The following KCNQ5 variants were observed in gnomAD, a reference collection of about 807,000 sequenced individuals.
KCNQ5 encodes potassium voltage-gated channel subfamily Q member 5, also known as potassium voltage-gated channel subfamily KQT member 5.
A neutral mutation model predicts 98.2 loss-of-function variants in KCNQ5; 30 were observed. The ratio of observed to expected loss-of-function variants is 0.31; its 90% CI spans 0.23 to 0.41. The LOEUF is 0.41. Among genes scored for constraint, KCNQ5 ranks in the 10% least tolerant of loss-of-function variants. KCNQ5 has a pLI of 1.00. For missense variants in KCNQ5, 835 were observed against 1,182.5 expected (o/e 0.71, Z 4.31); for synonymous variants, 458 against 449.4 (o/e 1.02, Z -0.24).
chr6:72,960,385 TTCA>T (rs1410325017), intron 1 of KCNQ5, among the ~76,000 whole-genome samples: 3 of 150,636 alleles, frequency 2.0e-5, no homozygotes, highest in East Asian at 3.9e-4. Flanking sequence ...CTATTTCTAT[TTCA>T]GTGTCCCCAA....
At chr6:72,817,392 A>G (rs1427736431) in intron 1 of KCNQ5, among the ~76,000 whole-genome samples, 1 of 152,188 alleles carries the variant, frequency 6.6e-6, no homozygotes, top group South Asian at 2.1e-4. Flanking sequence ...ATTACTCACA[A>G]TTAGATTCTA....
chr6:72,894,908 A>C (rs2150186524), intron 1 of KCNQ5, among the ~76,000 whole-genome samples: 1 of 152,136 alleles, frequency 6.6e-6, no homozygotes, highest in African/African-American at 2.4e-5. Context: ...GTGGTCAGAC[A>C]AGGATTTGAG....
chr6:72,906,446 CT>C (rs1291749289), intron 1 of KCNQ5, among the ~76,000 whole-genome samples: 3 of 152,224 alleles, frequency 2.0e-5, no homozygotes, highest in Non-Finnish European at 2.9e-5. Flanking sequence ...TTGTTACAAA[CT>C]TCAGCTGGAG....
At chr6:73,040,232 G>A (rs2185770) in intron 2 of KCNQ5, among the ~76,000 whole-genome samples, 102,041 of 152,150 alleles carry the variant, frequency 0.67, 39,669 homozygotes, top group Non-Finnish European at 0.88. Flanking sequence ...ATTACTACAC[G>A]GTAGTGTTCG....
intron 1 of KCNQ5, among the ~76,000 whole-genome samples, chr6:72,863,234 A>G (rs746209104): frequency 1.3e-5 from 2 of 152,220 alleles, no homozygotes; most frequent in Non-Finnish European, 2.9e-5. Context: ...CATACTAAAT[A>G]GCCACTTAGA....
intron 1 of KCNQ5, among the ~76,000 whole-genome samples, chr6:72,826,175 G>T (rs560906922): frequency 1.3e-5 from 2 of 152,230 alleles, no homozygotes; most frequent in South Asian, 4.1e-4. Flanking sequence ...CAATTCATTC[G>T]ACTCTAACCA....
intron 5 of KCNQ5, 112 bp downstream of exon 5, chr6:73,077,999 GAGTTATAT>G: frequency 1.2e-6 from 1 of 856,008 alleles, no homozygotes; most frequent in Non-Finnish European, 1.7e-6. Context: ...TTGCGAAAGA[GAGTTATAT>G]GGAAAATAAA....
At chr6:72,722,137 C>T (rs1392372871) in intron 1 of KCNQ5, among the ~76,000 whole-genome samples, 1 of 152,154 alleles carries the variant, frequency 6.6e-6, no homozygotes, top group Admixed American at 6.5e-5. Flanking sequence ...AACTGATTCT[C>T]CTTTCAGAGT....
At chr6:73,041,860 A>G (rs928911957) in intron 2 of KCNQ5, 76 bp from the exon 3 acceptor site, 2 of 1,565,564 alleles carry the variant, frequency 1.3e-6, no homozygotes, top group Non-Finnish European at 1.8e-6. Context: ...CTAAATGTCC[A>G]AAAATATGCA....
chr6:72,916,864 G>C (rs1780167967), intron 1 of KCNQ5, among the ~76,000 whole-genome samples: 1 of 152,174 alleles, frequency 6.6e-6, no homozygotes, highest in Non-Finnish European at 1.5e-5. Context: ...GGAGCCTCAA[G>C]TGTTGGAAGT....
At chr6:73,158,259 T>TTTTTTGTTG (rs1167848522) in intron 10 of KCNQ5, 105 of 60,426 alleles carry the variant, frequency 1.7e-3, no homozygotes, top group African/African-American at 3.0e-3. Flanking sequence ...GGAAGATTTT[T>TTTTTTGTTG]TTTTTTTTTT....
chr6:72,927,925 C>T (rs1395839405), intron 1 of KCNQ5, among the ~76,000 whole-genome samples: 1 of 151,990 alleles, frequency 6.6e-6, no homozygotes, highest in Non-Finnish European at 1.5e-5. Flanking sequence ...CATTGGTTCC[C>T]ATTCCTATAC....
intron 1 of KCNQ5, among the ~76,000 whole-genome samples, chr6:72,785,537 A>G (rs555401710): frequency 2.0e-5 from 3 of 151,902 alleles, no homozygotes; most frequent in East Asian, 1.9e-4. Flanking sequence ...GTAATCCCAG[A>G]TACTCGGGAG....
chr6:72,810,220 A>C (rs1027391433), intron 1 of KCNQ5, among the ~76,000 whole-genome samples: 3 of 152,184 alleles, frequency 2.0e-5, no homozygotes, highest in Non-Finnish European at 4.4e-5. Flanking sequence ...CTTCCTCAGG[A>C]AAATATGTTG....
In KCNQ5 at chr6:73,055,782, G is replaced by A. The variant is rs536887266; in HGVS notation, c.616+13720G>A. ...TTGAAGCCCATCAAGCCCAGCCCACGCAGTTCCTAGGGGATGAAGAGACCA... is the reference window on the plus strand; with the variant it reads ...TTGAAGCCCATCAAGCCCAGCCCACACAGTTCCTAGGGGATGAAGAGACCA... On this transcript the variant is annotated intron_variant, in intron 3 of 13. Transcript: ENST00000370398. 6.3e-5 allele frequency: 57 copies of A among 909,310 alleles called. 1 individual carries two copies. Among genetic ancestry groups the A allele is most frequent in the South Asian group, 3.9e-4 (30 of 77,464 alleles). 56.3% of individuals were successfully genotyped at this position (909,310 alleles called of 1,614,324 possible).
At chr6:73,182,385 T>G (rs935537758) in intron 11 of KCNQ5, among the ~76,000 whole-genome samples, 6 of 152,074 alleles carry the variant, frequency 3.9e-5, no homozygotes, top group African/African-American at 1.4e-4. Context: ...AGACTCTGAG[T>G]CGCTCTGGGC....
chr6:73,021,525 G>T (rs550888649), intron 2 of KCNQ5, among the ~76,000 whole-genome samples: 1 of 152,084 alleles, frequency 6.6e-6, no homozygotes, highest in Admixed American at 6.5e-5. Context: ...AAGAACATAA[G>T]CTCCCTAAGA....
At chr6:72,778,248 G>A (rs1773262322) in intron 1 of KCNQ5, among the ~76,000 whole-genome samples, 1 of 152,170 alleles carries the variant, frequency 6.6e-6, no homozygotes, top group Admixed American at 6.5e-5. Context: ...AGCATGTACT[G>A]TATACAGGCC....
At chr6:72,628,518 G>T (rs1353565229) in intron 1 of KCNQ5, among the ~76,000 whole-genome samples, 1 of 152,196 alleles carries the variant, frequency 6.6e-6, no homozygotes, top group African/African-American at 2.4e-5. Context: ...TCTTCTCTGA[G>T]CTTGAGGGTT....
Sources: gnomAD v4.1 joint callset for allele counts (sites outside exome capture counted in the v4.1 genomes callset) on GRCh38, gnomAD v4.1.1 for gene constraint, MANE v1.5 for transcripts, NCBI Gene and HGNC (gene_info 2026-07-23, HGNC 2026-07-21) for gene names.